The following SLC16A10 variants were observed in gnomAD, a reference collection of about 807,000 sequenced individuals.
SLC16A10 encodes monocarboxylate transporter 10.
SLC16A10 carries 27 observed loss-of-function variants against 40.0 expected under a neutral mutation model. The observed-to-expected ratio is 0.67, with a 90% confidence interval of 0.50 to 0.93. The LOEUF (loss-of-function observed/expected upper bound fraction) is 0.93, where lower values mean the gene tolerates loss of function less well. Among genes scored for constraint, SLC16A10 ranks in the 40% least tolerant of loss-of-function variants. SLC16A10 has a pLI of 0.00. For synonymous variants in SLC16A10, 213 were observed against 249.8 expected (o/e 0.85, Z 1.39); for missense variants, 529 against 658.2 (o/e 0.80, Z 2.15).
chr6:111,123,501 T>A (rs1771620273), intron 1 of SLC16A10, among the ~76,000 whole-genome samples: 3 of 152,220 alleles, frequency 2.0e-5, no homozygotes, highest in Admixed American at 2.0e-4. Flanking sequence ...CTGGTATTAG[T>A]CCACTTCCTC....
intron 3 of SLC16A10, among the ~76,000 whole-genome samples, chr6:111,201,767 C>T (rs1054740581): frequency 1.3e-5 from 2 of 152,114 alleles, no homozygotes; most frequent in African/African-American, 4.8e-5. Flanking sequence ...CAGGTGTGTA[C>T]CACCACTGCA....
intron 1 of SLC16A10, among the ~76,000 whole-genome samples, chr6:111,157,905 TAA>T (rs1157172457): frequency 8.5e-5 from 10 of 117,552 alleles, no homozygotes; most frequent in Non-Finnish European, 9.0e-5. Context: ...TATATCCGAC[TAA>T]AAAAAAAAAA....
At chr6:111,119,109 TTGAACTTAATATCGC>T (rs1771539532) in intron 1 of SLC16A10, among the ~76,000 whole-genome samples, 2 of 152,216 alleles carry the variant, frequency 1.3e-5, no homozygotes, top group African/African-American at 2.4e-5. Flanking sequence ...GATAAGAGCT[TTGAACTTAATATCGC>T]TGACACAAAA....
chr6:111,223,412 C>T lies in SLC16A10; in HGVS notation c.*1177C>T, dbSNP rs982331374. ...TCAGTTTGAGGACCCAAAATAAAACCAAAGTCATGCCATGACCCATACTCA... is the reference window on the plus strand; with the variant it reads ...TCAGTTTGAGGACCCAAAATAAAACTAAAGTCATGCCATGACCCATACTCA... On this transcript the variant is annotated 3_prime_UTR_variant, in exon 6 of 6. Coordinates refer to ENST00000368851, the MANE Select transcript of SLC16A10 (RefSeq NM_018593.5). 1 of 151,996 alleles carries T rather than the reference C, an allele frequency of 6.6e-6. No homozygotes were observed. The highest frequency in any genetic ancestry group is 2.4e-5 in the African/African-American group (1 of 41,376). 9.4% of individuals were successfully genotyped at this position (151,996 alleles called of 1,614,324 possible).
At chr6:111,107,634 T>G (rs1308009461) in intron 1 of SLC16A10, among the ~76,000 whole-genome samples, 2 of 152,164 alleles carry the variant, frequency 1.3e-5, no homozygotes, top group African/African-American at 4.8e-5. Context: ...GTGGCATATG[T>G]CTGAAGGATT....
intron 1 of SLC16A10, among the ~76,000 whole-genome samples, chr6:111,145,723 C>G (rs1211097616): frequency 6.6e-6 from 1 of 152,030 alleles, no homozygotes; most frequent in Non-Finnish European, 1.5e-5. Flanking sequence ...GCAGTGTGTA[C>G]CTGTATTCCT....
Position 111,228,084 on chromosome 6 carries a change from C to G in SLC16A10, c.*5849C>G, listed in dbSNP as rs1213309064. ...TGACAAAGAAAAACCTGAAGAAATT[C>G]AGAATCTAGATACACTTAGATTCTA... On this transcript the variant is annotated 3_prime_UTR_variant, in exon 6 of 6. Coordinates refer to ENST00000368851, the MANE Select transcript of SLC16A10 (RefSeq NM_018593.5). 1 of 152,170 alleles carries G rather than the reference C, an allele frequency of 6.6e-6. No individual in the cohort carries two copies. The highest frequency in any genetic ancestry group is 2.4e-5 in the African/African-American group (1 of 41,430). 9.4% of individuals were successfully genotyped at this position (152,170 alleles called of 1,614,324 possible).
chr6:111,123,841 A>G (rs1412513842), intron 1 of SLC16A10, among the ~76,000 whole-genome samples: 3 of 152,066 alleles, frequency 2.0e-5, no homozygotes, highest in African/African-American at 4.8e-5. Context: ...TATTCATCAG[A>G]AAAAAAAGTA....
At chr6:111,167,264 CA>C (rs1309168632) in intron 1 of SLC16A10, among the ~76,000 whole-genome samples, 1 of 152,136 alleles carries the variant, frequency 6.6e-6, no homozygotes, top group Non-Finnish European at 1.5e-5. Flanking sequence ...GGAAGAGGCA[CA>C]AAGCATCCTG....
At chr6:111,147,785 C>T (rs956493105) in intron 1 of SLC16A10, among the ~76,000 whole-genome samples, 2 of 152,266 alleles carry the variant, frequency 1.3e-5, no homozygotes, top group Admixed American at 1.3e-4. Context: ...GTTTTGTGGA[C>T]ATAGAACAAC....
At chr6:111,221,745 C>CA (rs571830288) in intron 5 of SLC16A10, among the ~76,000 whole-genome samples, 1,265 of 120,364 alleles carry the variant, frequency 0.011, 14 homozygotes, top group African/African-American at 0.03. Context: ...GACCCTGTCT[C>CA]AAAAAAAAAA....
chr6:111,210,609 G>A (rs915981039), intron 4 of SLC16A10, among the ~76,000 whole-genome samples: 1 of 152,192 alleles, frequency 6.6e-6, no homozygotes, highest in Non-Finnish European at 1.5e-5. Flanking sequence ...AAGCAAGCCT[G>A]AGGCAGGAAG....
intron 3 of SLC16A10, among the ~76,000 whole-genome samples, chr6:111,183,656 A>G (rs1772844172): frequency 6.6e-6 from 1 of 152,254 alleles, no homozygotes; most frequent in African/African-American, 2.4e-5. Flanking sequence ...TACTTATTCA[A>G]CAAATAAGCT....
At chr6:111,181,202 C>T (rs1260308588) in intron 3 of SLC16A10, among the ~76,000 whole-genome samples, 10 of 138,944 alleles carry the variant, frequency 7.2e-5, no homozygotes, top group African/African-American at 1.4e-4. Context: ...GTGACAAGAG[C>T]GAAACTCCAT....
At chr6:111,114,080 C>T (rs1377839726) in intron 1 of SLC16A10, among the ~76,000 whole-genome samples, 1 of 152,080 alleles carries the variant, frequency 6.6e-6, no homozygotes, top group East Asian at 1.9e-4. Context: ...TTTTCTTTCT[C>T]TTCTCTCCCT....
chr6:111,131,681 C>G (rs1216158475), intron 1 of SLC16A10, among the ~76,000 whole-genome samples: 3 of 152,206 alleles, frequency 2.0e-5, no homozygotes, highest in Non-Finnish European at 2.9e-5. Flanking sequence ...CCCAACCCTT[C>G]TGGGTTGGGA....
At chr6:111,197,623 A>G (rs1773099648) in intron 3 of SLC16A10, among the ~76,000 whole-genome samples, 1 of 152,152 alleles carries the variant, frequency 6.6e-6, no homozygotes, top group African/African-American at 2.4e-5. Flanking sequence ...CTGAGGCCGG[A>G]TGATTTATAA....
intron 1 of SLC16A10, among the ~76,000 whole-genome samples, chr6:111,166,580 G>A (rs1237432443): frequency 1.3e-5 from 2 of 152,226 alleles, no homozygotes; most frequent in Admixed American, 6.5e-5. Context: ...GGAAATGCAG[G>A]TTGGAGCTAC....
chr6:111,221,968 T>G, intron 5 of SLC16A10, 35 bp from the exon 6 acceptor site: 1 of 1,575,432 alleles, frequency 6.3e-7, no homozygotes, highest in Non-Finnish European at 8.6e-7. Context: ...GAGCCACACT[T>G]GTTCTCCCTT....
Sources: allele counts gnomAD v4.1 joint callset (sites outside exome capture counted in the v4.1 genomes callset), GRCh38; gene constraint gnomAD v4.1.1; transcripts MANE v1.5; gene names NCBI Gene and HGNC (gene_info 2026-07-23, HGNC 2026-07-21).